The following DPYD variants were observed in gnomAD, a reference collection of about 807,000 sequenced individuals.
DPYD encodes dihydropyrimidine dehydrogenase [NADP(+)].
Under a neutral mutation model 116.2 loss-of-function variants are expected in DPYD, and 109 were observed. The observed-to-expected ratio is 0.94, with a 90% confidence interval of 0.80 to 1.10. The LOEUF is 1.10. Among genes scored for constraint, DPYD ranks in the 50% least tolerant of loss-of-function variants. DPYD has a pLI of 0.00. For synonymous variants in DPYD, 440 were observed against 432.0 expected, an observed-to-expected ratio of 1.02 and a Z score of -0.23; for missense variants, 1,302 against 1,254.5, an observed-to-expected ratio of 1.04 and a Z score of -0.57.
intron 3 of DPYD, among the ~76,000 whole-genome samples, chr1:97,819,734 C>T (rs1209991749): frequency 6.6e-6 from 1 of 151,978 alleles, no homozygotes; most frequent in Non-Finnish European, 1.5e-5. Flanking sequence ...TCCACTCTTC[C>T]ATTTTTAACT....
In DPYD at chr1:97,586,520, G is replaced by A. The variant is rs1264216239; in HGVS notation, c.1128+6698C>T. ...TATATATATATATATATATATATAT[G>A]CTGTGAAAAAAATATATATAGAAGA... On this transcript the variant is annotated intron_variant, in intron 10 of 22. Coordinates refer to ENST00000370192, the MANE Select transcript of DPYD (RefSeq NM_000110.4). 2.0e-3 allele frequency among the ~76,000 whole-genome samples: 80 copies of A among 39,584 alleles called. 1 individual carries two copies. The highest frequency in any genetic ancestry group is 6.6e-3 in the African/African-American group (74 of 11,162). The allele number at this position is 39,584 out of a possible 152,430, so 26.0% of individuals were successfully genotyped here. A position where few individuals can be genotyped will look rare whatever the true frequency, so the allele number is the denominator to read the frequency against.
chr1:97,481,568 ATCCATAC>A (rs1420177408), intron 13 of DPYD, among the ~76,000 whole-genome samples: 6 of 152,230 alleles, frequency 3.9e-5, no homozygotes, highest in Non-Finnish European at 7.4e-5. Context: ...ACTGTATATA[ATCCATAC>A]TCTGAGAATT....
intron 11 of DPYD, among the ~76,000 whole-genome samples, chr1:97,558,607 G>A (rs1227991399): frequency 1.3e-5 from 2 of 152,204 alleles, no homozygotes; most frequent in East Asian, 3.9e-4. Context: ...AATTCAGTCA[G>A]GGTAAAATAC....
At chr1:97,378,990 G>T (rs112920201) in intron 15 of DPYD, among the ~76,000 whole-genome samples, 12 of 152,322 alleles carry the variant, frequency 7.9e-5, no homozygotes, top group African/African-American at 2.6e-4. Flanking sequence ...TAAACACAGA[G>T]TTAGGTACAG....
At chr1:97,824,352 T>C (rs1420919435) in intron 3 of DPYD, among the ~76,000 whole-genome samples, 2 of 152,228 alleles carry the variant, frequency 1.3e-5, no homozygotes, top group African/African-American at 2.4e-5. Flanking sequence ...GGCCTCTCCA[T>C]TGTTGAGAAC....
At chr1:97,759,357 T>G (rs917808313) in intron 3 of DPYD, among the ~76,000 whole-genome samples, 3 of 152,172 alleles carry the variant, frequency 2.0e-5, no homozygotes, top group Non-Finnish European at 2.9e-5. Context: ...TGCTAAAACC[T>G]TGGCTTTTGA....
chr1:97,845,553 C>T (rs918514848), intron 2 of DPYD, among the ~76,000 whole-genome samples: 1 of 152,184 alleles, frequency 6.6e-6, no homozygotes. Context: ...CAGTGAAGCT[C>T]CTTTCTACCT....
chr1:97,323,420 A>ACATATGTGTATATGTACACGTG (rs1668468854), intron 16 of DPYD, among the ~76,000 whole-genome samples: 1 of 72,584 alleles, frequency 1.4e-5, no homozygotes, highest in South Asian at 3.5e-4. Flanking sequence ...GTACACGTAT[A>ACATATGTGTATATGTACACGTG]TATACATATG....
At chr1:97,761,525 C>A (rs1289533316) in intron 3 of DPYD, among the ~76,000 whole-genome samples, 1 of 152,012 alleles carries the variant, frequency 6.6e-6, no homozygotes, top group Non-Finnish European at 1.5e-5. Flanking sequence ...CAAAAAGTAA[C>A]AGATGCTGGC....
chr1:97,536,188 G>A (rs1649983696), intron 12 of DPYD, among the ~76,000 whole-genome samples: 1 of 152,142 alleles, frequency 6.6e-6, no homozygotes, highest in Admixed American at 6.5e-5. Flanking sequence ...GTATGATCCT[G>A]ACCCAGTGGA....
At chr1:97,453,933 T>G (rs1676552098) in intron 13 of DPYD, among the ~76,000 whole-genome samples, 1 of 152,032 alleles carries the variant, frequency 6.6e-6, no homozygotes, top group Non-Finnish European at 1.5e-5. Flanking sequence ...AGAGAATGTT[T>G]ATTTAAACAG....
At chr1:97,289,290 C>G (rs554331966) in intron 18 of DPYD, among the ~76,000 whole-genome samples, 1 of 152,084 alleles carries the variant, frequency 6.6e-6, no homozygotes, top group Admixed American at 6.5e-5. Context: ...CCTTCTGAAA[C>G]TATTCCAATC....
At chr1:97,411,296 A>C (rs974900377) in intron 14 of DPYD, among the ~76,000 whole-genome samples, 1 of 152,186 alleles carries the variant, frequency 6.6e-6, no homozygotes, top group African/African-American at 2.4e-5. Flanking sequence ...TGAATGAATA[A>C]GCTAATGATC....
intron 2 of DPYD, among the ~76,000 whole-genome samples, chr1:97,844,643 C>G (rs1042754237): frequency 6.6e-6 from 1 of 152,286 alleles, no homozygotes; most frequent in South Asian, 2.1e-4. Context: ...CTGGAGGAAG[C>G]ATGGCCAGCG....
At chr1:97,481,657 G>T (rs920260300) in intron 13 of DPYD, among the ~76,000 whole-genome samples, 1 of 152,018 alleles carries the variant, frequency 6.6e-6, no homozygotes, top group Admixed American at 6.5e-5. Context: ...TCTATTATGA[G>T]ATAATAAACA....
intron 14 of DPYD, among the ~76,000 whole-genome samples, chr1:97,422,800 T>C (rs1311098064): frequency 6.6e-6 from 1 of 152,140 alleles, no homozygotes; most frequent in Non-Finnish European, 1.5e-5. Flanking sequence ...ATTAACACAA[T>C]GGTATACATT....
At chr1:97,255,957 C>T (rs553925605) in intron 18 of DPYD, among the ~76,000 whole-genome samples, 1 of 152,168 alleles carries the variant, frequency 6.6e-6, no homozygotes, top group East Asian at 1.9e-4. Flanking sequence ...AAATGGGTGA[C>T]AATTTCTCTC....
intron 13 of DPYD, among the ~76,000 whole-genome samples, chr1:97,479,411 C>T (rs1156859623): frequency 3.9e-5 from 6 of 152,124 alleles, no homozygotes; most frequent in Non-Finnish European, 7.3e-5. Context: ...GACAGAGGAA[C>T]AGCCGGTTGG....
chr1:97,227,331 C>CAAAAAAAAAAAAAAAAAAAAAAA (rs60992225), intron 19 of DPYD, among the ~76,000 whole-genome samples: 22 of 26,372 alleles, frequency 8.3e-4, no homozygotes, highest in South Asian at 1.6e-3. Context: ...GACTCTATCT[C>CAAAAAAAAAAAAAAAAAAAAAAA]AAAAAAAAAA....
Sources: gnomAD v4.1 joint callset for allele counts (sites outside exome capture counted in the v4.1 genomes callset) on GRCh38, gnomAD v4.1.1 for gene constraint, MANE v1.5 for transcripts, NCBI Gene and HGNC (gene_info 2026-07-23, HGNC 2026-07-21) for gene names.